ABCA10: variants seen among roughly 807,000 people sequenced by gnomAD.
The protein encoded by ABCA10 is ATP binding cassette subfamily A member 10.
In ABCA10, 169 loss-of-function variants were observed where a neutral mutation model predicts 187.5. The ratio of observed to expected loss-of-function variants is 0.90; its 90% confidence interval spans 0.80 to 1.02. ABCA10 has a LOEUF of 1.02. Among genes scored for constraint, ABCA10 ranks in the 50% least tolerant of loss-of-function variants. The pLI, the probability that ABCA10 is intolerant of heterozygous loss-of-function variation, is 0.00. For synonymous variants in ABCA10, 574 were observed against 601.8 expected, an observed-to-expected ratio of 0.95 and a Z score of 0.68; for missense variants, 1,727 against 1,812.4, an observed-to-expected ratio of 0.95 and a Z score of 0.86.
At chr17:69,239,720 T>G (rs1031899845) in intron 1 of ABCA10, among the ~76,000 whole-genome samples, 3 of 152,130 alleles carry the variant, frequency 2.0e-5, no homozygotes, top group Admixed American at 1.3e-4. Flanking sequence ...GTCAGGATTT[T>G]ATCACCCCCA....
rs770990821 is a variant in ABCA10 at position 69,155,891 on chromosome 17, G to A, written c.3490C>T (p.Pro1164Ser). 6.2e-7 allele frequency: 1 copy of A among 1,613,642 alleles called. No homozygotes were observed. The highest frequency in any genetic ancestry group is 1.1e-5 in the South Asian group (1 of 91,068). Residue 1164 changes from proline (P) to serine (S), a missense_variant, in exon 29 of 39, where the codon CCG (proline) becomes TCG (serine). Pro to Ser is a moderately conservative substitution (Grantham distance 74). Coordinates refer to ENST00000690296, the MANE Select transcript of ABCA10 (RefSeq NM_001377321.1). ...SPRSRETHPN[P>S]EEPEEEDEDV... ...TCATCTTCTTCTTCGGGCTCTTCCG[G>A]ATTGGGATGAGTTTCTCTACTCCGT... is the stretch of plus-strand genomic sequence containing the variant.
upstream of ABCA10, among the ~76,000 whole-genome samples, chr17:69,232,744 A>C (rs940217216): frequency 1.1e-4 from 16 of 152,166 alleles, no homozygotes; most frequent in African/African-American, 3.9e-4. Flanking sequence ...GACAGGTCTG[A>C]TAGTAATGAA....
chr17:69,182,233 TA>T lies in ABCA10; in HGVS notation c.2688del (p.Met897TrpfsTer30). 6.3e-7 allele frequency: 1 copy of T among 1,599,678 alleles called. No homozygotes were observed. The highest frequency in any genetic ancestry group is 2.3e-5 in the East Asian group (1 of 43,920). On this transcript the variant is annotated frameshift_variant, in exon 22 of 39. Transcript: ENST00000690296. LOFTEE classifies it high-confidence loss of function. ...ATAAGGGCATTGCTAACAATTCCCATAAGAACAGGAAAACAATTCAATTTCT... is the reference window on the plus strand; with the variant it reads ...ATAAGGGCATTGCTAACAATTCCCATAGAACAGGAAAACAATTCAATTTCT... ...NTKKLNCFPV[L>X]MGIVSNALMG...
At chr17:69,243,049 C>G (rs1415807037) in intron 1 of ABCA10, among the ~76,000 whole-genome samples, 1 of 152,144 alleles carries the variant, frequency 6.6e-6, no homozygotes, top group African/African-American at 2.4e-5. Context: ...ATAGATACCC[C>G]TTGATCAGTC....
rs540944838 is a variant in ABCA10, at chr17:69,226,228, T to C, written c.-171-699A>G. On this transcript the variant is annotated intron_variant, in intron 2 of 38. Transcript: ENST00000690296. ...AGGAGACAGAGAGATGAAGCAAAGA[T>C]GGCAAGATGTTAACAGCTGTCAAAT... 2.6e-5 allele frequency among the ~76,000 whole-genome samples: 4 copies of C among 152,178 alleles called. No individual in the cohort carries two copies. In the South Asian group the frequency reaches 8.3e-4, roughly 32 times the overall value.
At position 69,148,797 on chromosome 17, in the gene ABCA10, C is replaced by G. The variant is rs549998966; in HGVS notation, c.*30G>C. On this transcript the variant is annotated 3_prime_UTR_variant, in exon 39 of 39. Coordinates refer to ENST00000690296, the MANE Select transcript of ABCA10 (RefSeq NM_001377321.1). ...ATGGAAACTAACAATGTAGTAGGAC[C>G]TAAAATTGAATGTTAGGAGGTTCTT... The G allele has an allele frequency of 1.9e-6, 3 of 1,564,072 alleles. No homozygotes were observed. The African/African-American group carries it at 4.1e-5, about 21-fold the overall frequency.
At chr17:69,190,615 C>G in intron 17 of ABCA10, 138 bp from the exon 18 acceptor site, 1 of 756,300 alleles carries the variant, frequency 1.3e-6, no homozygotes, top group Non-Finnish European at 1.9e-6. Context: ...CCAAGGAAAC[C>G]TTTTCTGTAA....
chr17:69,220,240 G>A (rs992019173), intron 5 of ABCA10, among the ~76,000 whole-genome samples: 1 of 152,176 alleles, frequency 6.6e-6, no homozygotes, highest in Non-Finnish European at 1.5e-5. Context: ...AAGATTGGGG[G>A]AGGGGGGGTG....
chr17:69,155,720 T>C, intron 29 of ABCA10, 85 bp downstream of exon 29: 6 of 1,480,942 alleles, frequency 4.1e-6, no homozygotes, highest in Non-Finnish European at 5.4e-6. Flanking sequence ...TAAAGCAGCT[T>C]TTCAAAATAA....
At chr17:69,219,290 G>A (rs990990029) in intron 6 of ABCA10, among the ~76,000 whole-genome samples, 2 of 152,152 alleles carry the variant, frequency 1.3e-5, no homozygotes, top group South Asian at 2.1e-4. Flanking sequence ...GCTTGAGGTC[G>A]TGGGGTTTGG....
At chr17:69,239,197 G>A (rs577303370) in intron 1 of ABCA10, among the ~76,000 whole-genome samples, 2 of 152,148 alleles carry the variant, frequency 1.3e-5, no homozygotes, top group African/African-American at 4.8e-5. Context: ...AGTACAAAGG[G>A]TTGGTCAGTG....
chr17:69,154,369 G>T, intron 30 of ABCA10, 43 bp from the exon 31 acceptor site: 1 of 1,416,664 alleles, frequency 7.1e-7, no homozygotes, highest in Non-Finnish European at 9.7e-7. Flanking sequence ...TTTCAAGGTT[G>T]ACTAATCTAA....
chr17:69,175,050 C>T (rs753173371), intron 23 of ABCA10, among the ~76,000 whole-genome samples: 6 of 152,008 alleles, frequency 3.9e-5, no homozygotes, highest in South Asian at 2.1e-4. Context: ...TTTATTAAAG[C>T]GTAGTTAAAT....
intron 9 of ABCA10, among the ~76,000 whole-genome samples, chr17:69,211,389 T>C (rs2074657802): frequency 6.8e-6 from 1 of 146,280 alleles, no homozygotes. Flanking sequence ...CTTTATCCAC[T>C]CGTTGGTTGA....
chr17:69,208,404 C>A lies in ABCA10; in HGVS notation c.1006+6300G>T, dbSNP rs543816266. On this transcript the variant is annotated intron_variant, in intron 9 of 38. Transcript: ENST00000690296. ...TGCACTCCAGTCTGAGGGGACAGGG[C>A]GAGACTCTGTCTCAAAAAAAAAAAA... 8.9e-5 allele frequency among the ~76,000 whole-genome samples: 10 copies of A among 112,878 alleles called. No homozygotes were observed. In the East Asian group the frequency reaches 1.8e-3, roughly 20 times the overall value. The allele number at this position is 112,878 out of a possible 152,430, so 74.1% of individuals were successfully genotyped here. A position where few individuals can be genotyped will look rare whatever the true frequency, so the allele number is the denominator to read the frequency against.
chr17:69,162,037 T>C (rs1017412846), intron 27 of ABCA10, among the ~76,000 whole-genome samples: 13 of 152,188 alleles, frequency 8.5e-5, no homozygotes, highest in Non-Finnish European at 1.0e-4. Flanking sequence ...GCAGAAACAA[T>C]AGTCAAATCA....
At chr17:69,190,232 C>T (rs1268608431) in intron 18 of ABCA10, 126 bp downstream of exon 18, 13 of 1,078,598 alleles carry the variant, frequency 1.2e-5, no homozygotes, top group African/African-American at 6.6e-5. Flanking sequence ...GTGGACAATG[C>T]TATTTTCTAT....
At chr17:69,225,295 T>C (rs1374912248) in intron 3 of ABCA10, 30 bp downstream of exon 3, 3 of 1,610,380 alleles carry the variant, frequency 1.9e-6, no homozygotes, top group Non-Finnish European at 2.5e-6. Context: ...AGTCACATAA[T>C]ACTGAAACAT....
At chr17:69,242,669 G>A (rs1392269207) in intron 1 of ABCA10, among the ~76,000 whole-genome samples, 1 of 152,000 alleles carries the variant, frequency 6.6e-6, no homozygotes, top group Non-Finnish European at 1.5e-5. Flanking sequence ...TCACCATGTT[G>A]GCCAGACTGG....
Sources: gnomAD v4.1 joint callset for allele counts (sites outside exome capture counted in the v4.1 genomes callset) on GRCh38, gnomAD v4.1.1 for gene constraint, MANE v1.5 for transcripts, NCBI Gene and HGNC (gene_info 2026-07-23, HGNC 2026-07-21) for gene names.